Variants in RBM26 observed in about 807,000 individuals in gnomAD.
RBM26 encodes RNA-binding protein 26.
Under a neutral mutation model 123.6 loss-of-function variants are expected in RBM26, and 30 were observed. That is an observed-to-expected ratio of 0.24 (90% CI 0.18 to 0.33). The LOEUF (loss-of-function observed/expected upper bound fraction) is 0.33. Ranked by LOEUF, RBM26 falls within the 10% of genes least tolerant of loss-of-function variation. The pLI is 1.00. For missense variants in RBM26, 947 were observed against 1,203.6 expected (o/e 0.79, Z 3.15); for synonymous variants, 400 against 404.4 (o/e 0.99, Z 0.13).
chr13:79,316,809 C>T (rs532276839), downstream of RBM26, among the ~76,000 whole-genome samples: 45 of 151,854 alleles, frequency 3.0e-4, 1 homozygote, highest in Middle Eastern at 3.4e-3. Context: ...CAGTAATACA[C>T]AACGTTCCTC....
chr13:79,360,525 A>G (rs2074552328), intron 9 of RBM26, among the ~76,000 whole-genome samples: 1 of 152,092 alleles, frequency 6.6e-6, no homozygotes, highest in Non-Finnish European at 1.5e-5. Flanking sequence ...AAATGAGAAA[A>G]TAATCACTTT....
intron 1 of RBM26, among the ~76,000 whole-genome samples, chr13:79,390,627 T>A (rs1044098693): frequency 2.0e-5 from 3 of 152,180 alleles, no homozygotes; most frequent in Non-Finnish European, 4.4e-5. Context: ...AAGTAAAGCA[T>A]GGTATGCATG....
At chr13:79,373,458 TATATAATATGTATAA>T (rs2076278031) in intron 3 of RBM26, among the ~76,000 whole-genome samples, 2 of 27,428 alleles carry the variant, frequency 7.3e-5, no homozygotes, top group Admixed American at 9.0e-4. Context: ...TATATAAATA[TATATAATATGTATAA>T]ATATACAAAT....
chr13:79,345,794 T>G (rs961814510), intron 14 of RBM26, among the ~76,000 whole-genome samples: 1 of 152,048 alleles, frequency 6.6e-6, no homozygotes, highest in Non-Finnish European at 1.5e-5. Context: ...TGCACTAAAC[T>G]AGACTGAAAT....
At position 79,354,582 on chromosome 13, in the gene RBM26, G is replaced by A. The variant is rs774449361; in HGVS notation, c.1855-12C>T. The A allele has an allele frequency of 6.4e-7, 1 of 1,565,578 alleles. No homozygotes were observed. Among genetic ancestry groups the A allele is most frequent in the Non-Finnish European group, 8.7e-7 (1 of 1,152,342 alleles). On this transcript the variant is annotated splice_polypyrimidine_tract_variant and intron_variant, in intron 12 of 21. Coordinates refer to ENST00000438737, the MANE Select transcript of RBM26 (RefSeq NM_001366735.2). Reference sequence around the variant, plus strand: ...AAAGGCTGCATTACCTCAGAACAAGGAAAAAATGTTAAACAAGTTGATTCA... The same window carrying A: ...AAAGGCTGCATTACCTCAGAACAAGAAAAAAATGTTAAACAAGTTGATTCA...
intron 2 of RBM26, 89 bp downstream of exon 2, chr13:79,378,700 A>G (rs2076846561): frequency 1.4e-6 from 1 of 727,286 alleles, no homozygotes; most frequent in African/African-American, 1.8e-5. Flanking sequence ...TCAGCCTCCC[A>G]AAGTGCTAGG....
chr13:79,354,281 T>C (rs1336627719), intron 13 of RBM26, among the ~76,000 whole-genome samples, 158 bp downstream of exon 13: 2 of 147,202 alleles, frequency 1.4e-5, no homozygotes, highest in Admixed American at 6.7e-5. Context: ...ATGGTAAAAA[T>C]TAAAAAAAAA....
chr13:79,386,107 AC>A (rs1445668516), intron 1 of RBM26, among the ~76,000 whole-genome samples: 2 of 150,756 alleles, frequency 1.3e-5, no homozygotes, highest in African/African-American at 2.5e-5. Flanking sequence ...AAAAAAAAAA[AC>A]ACAAAAACTA....
intron 20 of RBM26, among the ~76,000 whole-genome samples, chr13:79,329,699 CT>C (rs2068991780): frequency 6.6e-6 from 1 of 152,112 alleles, no homozygotes; most frequent in South Asian, 2.1e-4. Context: ...GAATTTATGA[CT>C]GCATAACACC....
At position 79,320,069 on chromosome 13, in the gene RBM26, T is replaced by C. The variant is rs2067515511; in HGVS notation, c.*552A>G. On this transcript the variant is annotated 3_prime_UTR_variant, in exon 22 of 22. Coordinates refer to ENST00000438737, the MANE Select transcript of RBM26 (RefSeq NM_001366735.2). ...CATAAGGACTCATGTAAAGCAGTCA[T>C]ACACCATTATCATTAAAACCCATAT... 1 of 976,544 alleles carries C rather than the reference T, an allele frequency of 1.0e-6. No homozygotes were observed. Among genetic ancestry groups the C allele is most frequent in the Non-Finnish European group, 1.2e-6 (1 of 824,682 alleles). 60.5% of individuals were successfully genotyped at this position (976,544 alleles called of 1,614,324 possible). A position where few individuals can be genotyped will look rare whatever the true frequency, so the allele number is the denominator to read the frequency against.
intron 20 of RBM26, among the ~76,000 whole-genome samples, chr13:79,333,573 CTA>C (rs1173263813): frequency 6.6e-6 from 1 of 152,198 alleles, no homozygotes; most frequent in African/African-American, 2.4e-5. Context: ...ATTTGGAAAA[CTA>C]TTTCATCCCT....
chr13:79,398,129 G>A (rs989706745), intron 1 of RBM26, among the ~76,000 whole-genome samples: 1 of 152,188 alleles, frequency 6.6e-6, no homozygotes, highest in African/African-American at 2.4e-5. Context: ...AGAGTAATGA[G>A]TAAGTCTAGT....
downstream of RBM26, among the ~76,000 whole-genome samples, chr13:79,315,375 ATCT>A (rs1377503651): frequency 2.0e-5 from 3 of 151,902 alleles, no homozygotes; most frequent in Non-Finnish European, 4.4e-5. Flanking sequence ...AACAGATACA[ATCT>A]TCTTAAGGTT....
At chr13:79,383,491 A>C (rs1387493106) in intron 1 of RBM26, among the ~76,000 whole-genome samples, 1 of 152,194 alleles carries the variant, frequency 6.6e-6, no homozygotes, top group Non-Finnish European at 1.5e-5. Flanking sequence ...GGAATCTTTC[A>C]TCTTCATATA....
Position 79,338,623 on chromosome 13 carries a change from T to A in RBM26, c.2533-1321A>T, listed in dbSNP as rs181930605. Among the ~76,000 whole-genome samples the A allele has an allele frequency of 1.6e-3, 238 of 152,264 alleles. 1 individual carries two copies. The highest frequency in any genetic ancestry group is 3.4e-3 in the Middle Eastern group (1 of 294). Reference sequence around the variant, plus strand: ...ATCATGTTAAGGATTCTGAGTTTTATCCCAAGAGCCATAAAAATAAATTAA... The same window carrying A: ...ATCATGTTAAGGATTCTGAGTTTTAACCCAAGAGCCATAAAAATAAATTAA... On this transcript the variant is annotated intron_variant, in intron 18 of 21. Transcript: ENST00000438737.
chr13:79,349,501 G>A (rs1168256549), intron 14 of RBM26, among the ~76,000 whole-genome samples: 1 of 151,934 alleles, frequency 6.6e-6, no homozygotes, highest in Non-Finnish European at 1.5e-5. Flanking sequence ...TAAAAAATAT[G>A]TACAGCTAGT....
At chr13:79,359,502 T>G in intron 10 of RBM26, 73 bp downstream of exon 10, 1 of 713,920 alleles carries the variant, frequency 1.4e-6, no homozygotes, top group Non-Finnish European at 2.4e-6. Context: ...CAAACCATAT[T>G]GTCATAATAA....
chr13:79,350,028 C>T (rs1360187155), intron 14 of RBM26, among the ~76,000 whole-genome samples: 1 of 152,148 alleles, frequency 6.6e-6, no homozygotes, highest in Non-Finnish European at 1.5e-5. Context: ...AGCAAAGTTA[C>T]ACAACAAATT....
chr13:79,353,045 T>G, intron 14 of RBM26, 108 bp downstream of exon 14: 1 of 546,624 alleles, frequency 1.8e-6, no homozygotes, highest in Non-Finnish European at 3.1e-6. Context: ...AAGATACAGA[T>G]ACTATTAAGA....
Sources: gnomAD v4.1 joint callset for allele counts (sites outside exome capture counted in the v4.1 genomes callset) on GRCh38, gnomAD v4.1.1 for gene constraint, MANE v1.5 for transcripts, NCBI Gene and HGNC (gene_info 2026-07-23, HGNC 2026-07-21) for gene names.